The following RARB variants were observed in gnomAD, a reference collection of about 807,000 sequenced individuals.
The protein encoded by RARB is retinoic acid receptor beta, also known as HBV-activated protein.
In RARB, 17 loss-of-function variants were observed where a neutral mutation model predicts 51.9. The ratio of observed to expected loss-of-function variants is 0.33; its 90% CI spans 0.22 to 0.49. The LOEUF (loss-of-function observed/expected upper bound fraction) is 0.49, where lower values mean the gene tolerates loss of function less well. Ranked by LOEUF, RARB falls within the 20% of genes least tolerant of loss-of-function variation. RARB has a pLI of 0.99. For missense variants in RARB, 369 were observed against 550.8 expected (o/e 0.67, Z 3.30); for synonymous variants, 215 against 195.4 (o/e 1.10, Z -0.84).
At chr3:25,134,770 C>A (rs1056125311) in intron 4 of RARB, among the ~76,000 whole-genome samples, 1 of 151,872 alleles carries the variant, frequency 6.6e-6, no homozygotes, top group African/African-American at 2.4e-5. Context: ...TCTCAGTTAC[C>A]ATGTTCATTA....
chr3:25,198,912 A>G (rs1453091635), intron 5 of RARB, among the ~76,000 whole-genome samples: 8 of 152,134 alleles, frequency 5.3e-5, no homozygotes, highest in South Asian at 2.1e-4. Context: ...TAGAAATACC[A>G]TATGATCCAG....
At chr3:24,886,634 G>T (rs947166368) in intron 2 of RARB, among the ~76,000 whole-genome samples, 6 of 152,064 alleles carry the variant, frequency 3.9e-5, no homozygotes, top group South Asian at 2.1e-4. Flanking sequence ...TAGAGACAAG[G>T]TCTCGTTATG....
chr3:25,286,856 T>C (rs1703669700), intron 5 of RARB, among the ~76,000 whole-genome samples: 1 of 152,222 alleles, frequency 6.6e-6, no homozygotes, highest in African/African-American at 2.4e-5. Flanking sequence ...AGCAGAGTAC[T>C]ATCACTCTCA....
intron 4 of RARB, among the ~76,000 whole-genome samples, chr3:25,166,344 G>A (rs1279977277): frequency 6.6e-6 from 1 of 152,154 alleles, no homozygotes; most frequent in Non-Finnish European, 1.5e-5. Context: ...CAACTGACAG[G>A]ATTTGTGCTG....
chr3:25,206,711 T>C (rs1392261048), intron 5 of RARB, among the ~76,000 whole-genome samples: 1 of 152,188 alleles, frequency 6.6e-6, no homozygotes, highest in Non-Finnish European at 1.5e-5. Flanking sequence ...TTATTCTTTC[T>C]GGAAAAAATG....
At chr3:25,323,485 T>C (rs1326341833) in intron 5 of RARB, among the ~76,000 whole-genome samples, 2 of 152,254 alleles carry the variant, frequency 1.3e-5, no homozygotes, top group African/African-American at 4.8e-5. Context: ...ACTATAATAG[T>C]AGTCTACTCA....
intron 2 of RARB, among the ~76,000 whole-genome samples, chr3:24,991,015 T>C (rs966028874): frequency 2.6e-5 from 4 of 152,254 alleles, no homozygotes; most frequent in African/African-American, 2.4e-5. Context: ...ATTTTCTAAT[T>C]AGCAGTTTCT....
At chr3:24,843,434 C>A (rs376145095) in intron 1 of RARB, among the ~76,000 whole-genome samples, 1 of 152,120 alleles carries the variant, frequency 6.6e-6, no homozygotes, top group African/African-American at 2.4e-5. Flanking sequence ...ATTTTCTCAC[C>A]TGTAAAAGAG....
At chr3:25,385,579 C>G (rs1179092283) in intron 5 of RARB, among the ~76,000 whole-genome samples, 1 of 152,128 alleles carries the variant, frequency 6.6e-6, no homozygotes, top group Non-Finnish European at 1.5e-5. Context: ...CTGGCTCAGC[C>G]AGACCTTCAG....
At chr3:25,465,520 T>C (rs1281091647) in intron 2 of RARB, among the ~76,000 whole-genome samples, 4 of 152,198 alleles carry the variant, frequency 2.6e-5, no homozygotes, top group Non-Finnish European at 4.4e-5. Context: ...TGACTATTAT[T>C]TGGGGAAGAG....
chr3:24,985,388 C>A (rs1292463628), intron 2 of RARB, among the ~76,000 whole-genome samples: 1 of 145,016 alleles, frequency 6.9e-6, no homozygotes, highest in African/African-American at 2.6e-5. Context: ...CCCAGCTGAA[C>A]AATAACATAT....
intron 5 of RARB, among the ~76,000 whole-genome samples, chr3:25,289,260 C>T (rs1381965798): frequency 1.3e-5 from 2 of 152,192 alleles, no homozygotes; most frequent in East Asian, 3.9e-4. Context: ...CACGGGGATG[C>T]TGTGAGGTTG....
chr3:25,040,691 T>C (rs907776330), intron 2 of RARB, among the ~76,000 whole-genome samples: 5 of 152,120 alleles, frequency 3.3e-5, no homozygotes, highest in Admixed American at 3.3e-4. Context: ...AGGCGGAGAT[T>C]GCAGTGAGCC....
At chr3:25,311,272 G>A (rs2125433709) in intron 5 of RARB, among the ~76,000 whole-genome samples, 1 of 152,334 alleles carries the variant, frequency 6.6e-6, no homozygotes, top group Middle Eastern at 3.4e-3. Context: ...TGGAGTCCCA[G>A]CTGGCAAGTA....
intron 3 of RARB, among the ~76,000 whole-genome samples, chr3:25,513,855 T>C (rs571581537): frequency 2.0e-5 from 3 of 152,236 alleles, no homozygotes; most frequent in East Asian, 1.9e-4. Context: ...GTTTCAACCC[T>C]GTAAGAAAAA....
chr3:25,012,333 A>T (rs62228499), intron 2 of RARB, among the ~76,000 whole-genome samples: 2 of 152,098 alleles, frequency 1.3e-5, no homozygotes, highest in African/African-American at 2.4e-5. Context: ...CTAGCTGACA[A>T]GCAGAATCAC....
intron 5 of RARB, among the ~76,000 whole-genome samples, chr3:25,216,191 C>G (rs1275513108): frequency 6.6e-6 from 1 of 152,172 alleles, no homozygotes; most frequent in African/African-American, 2.4e-5. Context: ...CAATGGGCCC[C>G]CTGCTTGCTG....
chr3:25,264,749 C>T (rs1041033633), intron 5 of RARB, among the ~76,000 whole-genome samples: 1 of 152,018 alleles, frequency 6.6e-6, no homozygotes, highest in Non-Finnish European at 1.5e-5. Context: ...ATGGTTTTTC[C>T]TTCTGCATGG....
At chr3:25,324,975 A>G (rs1000755730) in intron 5 of RARB, among the ~76,000 whole-genome samples, 4 of 152,242 alleles carry the variant, frequency 2.6e-5, no homozygotes, top group African/African-American at 9.6e-5. Context: ...GGGCAAGTCC[A>G]CAGAATAAAG....
Sources: allele counts gnomAD v4.1 joint callset (sites outside exome capture counted in the v4.1 genomes callset), GRCh38; gene constraint gnomAD v4.1.1; transcripts MANE v1.5; gene names NCBI Gene and HGNC (gene_info 2026-07-23, HGNC 2026-07-21).